MPV17: variants seen among roughly 807,000 people sequenced by gnomAD.
MPV17 encodes the protein mitochondrial inner membrane protein MPV17, also known as MPV17, mitochondrial inner membrane protein.
A neutral mutation model predicts 28.6 loss-of-function variants in MPV17; 31 were observed. The observed-to-expected ratio is 1.08, with a 90% CI of 0.81 to 1.46. The LOEUF (loss-of-function observed/expected upper bound fraction) is 1.46, where lower values mean the gene tolerates loss of function less well. Ranked by LOEUF, MPV17 falls within the 40% of genes most tolerant of loss-of-function variation. MPV17 has a pLI of 0.00. For missense variants in MPV17, 198 were observed against 216.2 expected, an observed-to-expected ratio of 0.92 and a Z score of 0.53; for synonymous variants, 87 against 85.3, an observed-to-expected ratio of 1.02 and a Z score of -0.11.
chr2:27,316,012 C>T, intron 2 of MPV17: 1 of 1,542,692 alleles, frequency 6.5e-7, no homozygotes, highest in Non-Finnish European at 8.7e-7. Flanking sequence ...TCAGTGGCAC[C>T]AGGAGGCCCC....
At chr2:27,311,327 C>T in intron 7 of MPV17, 1 of 464,310 alleles carries the variant, frequency 2.2e-6, no homozygotes, top group Non-Finnish European at 3.9e-6. Context: ...TCCCAAAGTG[C>T]TAGAATTACA....
chr2:27,313,048 C>T lies in MPV17; in HGVS notation c.132G>A (p.Gln44=). Residue 44 remains glutamine, a synonymous_variant, in exon 3 of 8, where the codon CAG becomes CAA. Coordinates refer to ENST00000380044, the MANE Select transcript of MPV17 (RefSeq NM_002437.5). ...SQQLVERRGL[Q]EHQRGRTLTM... is the part of the protein sequence containing the mutation. Reference sequence around the variant, plus strand: ...TCAGAGTCCGGCCTCTCTGGTGTTCCTGCAGACCCCGCCTCTCCACCAGCT... The same window carrying T: ...TCAGAGTCCGGCCTCTCTGGTGTTCTTGCAGACCCCGCCTCTCCACCAGCT... 1.2e-6 allele frequency: 2 copies of T among 1,614,188 alleles called. No individual in the cohort carries two copies. The highest frequency in any genetic ancestry group is 1.7e-6 in the Non-Finnish European group (2 of 1,180,030).
In MPV17 at chr2:27,309,645, G is replaced by C; in HGVS notation, c.*267C>G. The C allele has an allele frequency of 1.7e-6, 1 of 600,124 alleles. No individual in the cohort carries two copies. The highest frequency in any genetic ancestry group is 2.8e-5 in the East Asian group (1 of 36,340). The allele number at this position is 600,124 out of a possible 1,614,324, so 37.2% of individuals were successfully genotyped here. A position where few individuals can be genotyped will look rare whatever the true frequency, so the allele number is the denominator to read the frequency against. On this transcript the variant is annotated 3_prime_UTR_variant, in exon 8 of 8. Transcript: ENST00000380044. ...GGATGAGTGGCATTTGCTGGGATAT[G>C]GGTGTAAAGTTGATAAGGTCATGAA...
At chr2:27,320,390 G>A (rs1237299239) in intron 2 of MPV17, among the ~76,000 whole-genome samples, 1 of 150,812 alleles carries the variant, frequency 6.6e-6, no homozygotes, top group Non-Finnish European at 1.5e-5. Context: ...AGGCTGGAGT[G>A]CAATGGCACA....
In MPV17 at chr2:27,311,908, A is replaced by AG. The variant is rs267607267; in HGVS notation, c.451dup (p.Leu151ProfsTer39). Reference sequence around the variant, plus strand: ...TAGGGGTGCAACATACCTGTAATGAAGGGGGACCAGGTAGAAGTTGGCTAA... The same window carrying AG: ...TAGGGGTGCAACATACCTGTAATGAAGGGGGGACCAGGTAGAAGTTGGCTAA... On this transcript the variant is annotated frameshift_variant, in exon 7 of 8. Coordinates refer to ENST00000380044, the MANE Select transcript of MPV17 (RefSeq NM_002437.5). LOFTEE classifies it high-confidence loss of function. 13 of 1,613,744 alleles carry AG rather than the reference A, an allele frequency of 8.1e-6. No homozygotes were observed. The East Asian group carries it at 2.9e-4, about 36-fold the overall frequency.
chr2:27,313,514 C>A, intron 2 of MPV17: 1 of 413,516 alleles, frequency 2.4e-6, no homozygotes, highest in Non-Finnish European at 4.5e-6. Context: ...TCCAGGGTCT[C>A]ACATAACCAG....
rs112170670 is a variant in MPV17 at position 27,312,496 on chromosome 2, G to A, written c.373C>T (p.Arg125Trp). Residue 125 changes from arginine (R) to tryptophan (W), a missense_variant and splice_region_variant, in exon 5 of 8, where the codon CGG (arginine) becomes TGG (tryptophan). Coordinates refer to ENST00000380044, the MANE Select transcript of MPV17 (RefSeq NM_002437.5). ...SAQDNWAKLQ[R>W]DYPDALITNY... ...TTCTCCACACCTGCCCAGCTCACCC[G>A]CTGTAGTTTGGCCCAGTTGTCCTGG... 4.8e-5 allele frequency: 78 copies of A among 1,613,912 alleles called. No homozygotes were observed. In the Middle Eastern group the frequency reaches 4.9e-4, roughly 10 times the overall value.
chr2:27,316,161 C>G (rs1462128546), intron 2 of MPV17: 1 of 1,551,046 alleles, frequency 6.4e-7, no homozygotes, highest in Non-Finnish European at 8.7e-7. Context: ...CTTGTCACCT[C>G]GTGGGGATGG....
In MPV17 at chr2:27,317,311, G is replaced by A. The variant is rs940898650; in HGVS notation, c.71-4202C>T. ...CCAGAGGGAGTGGAAGCCCAGCAGCGGGAGGGGAGTGGATCCTCTGGGATT... is the reference window on the plus strand; with the variant it reads ...CCAGAGGGAGTGGAAGCCCAGCAGCAGGAGGGGAGTGGATCCTCTGGGATT... On this transcript the variant is annotated intron_variant, in intron 2 of 7. Transcript: ENST00000380044. The surrounding 1 kb of genome is among the most constrained non-coding windows in gnomAD (Gnocchi z 4.0). 2.1e-5 allele frequency: 27 copies of A among 1,277,308 alleles called. No homozygotes were observed. The Admixed American group carries it at 4.1e-4, about 20-fold the overall frequency. The allele number at this position is 1,277,308 out of a possible 1,614,324, so 79.1% of individuals were successfully genotyped here.
Position 27,309,757 on chromosome 2 carries a change from G to C in MPV17, c.*155C>G. 9 of 704,794 alleles carry C rather than the reference G, an allele frequency of 1.3e-5. No individual in the cohort carries two copies. The highest frequency in any genetic ancestry group is 1.6e-5 in the Non-Finnish European group (6 of 378,106). 43.7% of individuals were successfully genotyped at this position (704,794 alleles called of 1,614,324 possible). ...TCTAAAGCAGTCAGTGTACATTTTA[G>C]AGTGAAGAGGGGCATTGCAGGGTGC... On this transcript the variant is annotated 3_prime_UTR_variant, in exon 8 of 8. Transcript: ENST00000380044.
chr2:27,322,605 T>TCCCTTC lies in MPV17; in HGVS notation c.-5-89_-5-84dup, dbSNP rs1044071702. 31 of 1,101,482 alleles carry TCCCTTC rather than the reference T, an allele frequency of 2.8e-5. No individual in the cohort carries two copies. In the African/African-American group the frequency reaches 4.1e-4, roughly 15 times the overall value. The allele number at this position is 1,101,482 out of a possible 1,614,324, so 68.2% of individuals were successfully genotyped here. A position where few individuals can be genotyped will look rare whatever the true frequency, so the allele number is the denominator to read the frequency against. On this transcript the variant is annotated intron_variant, in intron 1 of 7. Transcript: ENST00000380044. ...CCGCCTGACATTCCCTTGTGCCCAC[T>TCCCTTC]CCCTTCCCCTTCCCACTTCCAATGT...
intron 2 of MPV17, among the ~76,000 whole-genome samples, chr2:27,316,585 G>C (rs1679661780): frequency 6.6e-6 from 1 of 152,230 alleles, no homozygotes; most frequent in Non-Finnish European, 1.5e-5. Flanking sequence ...CTTTGGGCAG[G>C]AAGGACCCAG....
At chr2:27,319,954 A>C (rs993123180) in intron 2 of MPV17, among the ~76,000 whole-genome samples, 21 of 150,838 alleles carry the variant, frequency 1.4e-4, no homozygotes, top group Non-Finnish European at 2.5e-4. Context: ...AAAAGAAAAA[A>C]AGGCTGAGCT....
chr2:27,310,066 A>G, intron 7 of MPV17, 85 bp from the exon 8 acceptor site: 1 of 1,031,668 alleles, frequency 9.7e-7, no homozygotes, highest in South Asian at 1.3e-5. Flanking sequence ...ATGGCAAAGG[A>G]GGGATCATGA....
Position 27,309,681 on chromosome 2 carries a change from AT to A in MPV17, c.*230del. The A allele has an allele frequency of 1.6e-6, 1 of 620,840 alleles. No individual in the cohort carries two copies. Among genetic ancestry groups the A allele is most frequent in the Admixed American group, 2.6e-5 (1 of 37,874 alleles). The allele number at this position is 620,840 out of a possible 1,614,324, so 38.5% of individuals were successfully genotyped here. A position where few individuals can be genotyped will look rare whatever the true frequency, so the allele number is the denominator to read the frequency against. On this transcript the variant is annotated 3_prime_UTR_variant, in exon 8 of 8. Coordinates refer to ENST00000380044, the MANE Select transcript of MPV17 (RefSeq NM_002437.5). ...TGATAAGGTCATGAAGGTTCAACAG[AT>A]ATTTATGGAGTGCCTAGTATGTGGT...
chr2:27,310,070 A>T lies in MPV17; in HGVS notation c.462-89T>A, dbSNP rs1679372059. 6.0e-6 allele frequency: 6 copies of T among 1,002,648 alleles called. No individual in the cohort carries two copies. In the Admixed American group the frequency reaches 7.3e-5, roughly 12 times the overall value. 62.1% of individuals were successfully genotyped at this position (1,002,648 alleles called of 1,614,324 possible). A position where few individuals can be genotyped will look rare whatever the true frequency, so the allele number is the denominator to read the frequency against. ...GGGAGCATGAAATGGCAAAGGAGGG[A>T]TCATGACAAAGGATTGGCAGGTTTA... On this transcript the variant is annotated intron_variant, in intron 7 of 7. Transcript: ENST00000380044.
At chr2:27,315,330 C>T (rs1679609701) in intron 2 of MPV17, among the ~76,000 whole-genome samples, 2 of 152,216 alleles carry the variant, frequency 1.3e-5, no homozygotes, top group African/African-American at 4.8e-5. Context: ...ACCCGGTTCC[C>T]TATCCCTCCA....
intron 2 of MPV17, 98 bp from the exon 3 acceptor site, chr2:27,313,207 A>G (rs1001519771): frequency 6.3e-6 from 10 of 1,591,262 alleles, no homozygotes; most frequent in Non-Finnish European, 8.5e-6. Context: ...AGGCTCTGGT[A>G]CTCTGAACCC....
intron 2 of MPV17, chr2:27,316,314 C>T (rs1679649378): frequency 1.7e-6 from 2 of 1,147,308 alleles, no homozygotes; most frequent in Non-Finnish European, 2.5e-6. Context: ...TTCTGGAAGC[C>T]TGCAGCCTTG....
Sources: gnomAD v4.1 joint callset for allele counts (sites outside exome capture counted in the v4.1 genomes callset) on GRCh38, gnomAD v4.1.1 for gene constraint, Gnocchi (gnomAD v3.1) non-coding constraint, MANE v1.5 for transcripts, NCBI Gene and HGNC (gene_info 2026-07-23, HGNC 2026-07-21) for gene names.